GRM7: variants seen among roughly 807,000 people sequenced by gnomAD.
GRM7 encodes the protein metabotropic glutamate receptor 7.
In GRM7, 35 loss-of-function variants were observed where a neutral mutation model predicts 84.5. The ratio of observed to expected loss-of-function variants is 0.41; its 90% CI spans 0.32 to 0.55. The LOEUF (loss-of-function observed/expected upper bound fraction) is 0.55, where lower values mean the gene tolerates loss of function less well. Among genes scored for constraint, GRM7 ranks in the 20% least tolerant of loss-of-function variants. GRM7 has a pLI of 0.19. For synonymous variants in GRM7, 487 were observed against 455.1 expected (o/e 1.07, Z -0.89); for missense variants, 1,003 against 1,194.6 (o/e 0.84, Z 2.36).
intron 5 of GRM7, among the ~76,000 whole-genome samples, chr3:7,427,198 A>G (rs1389931276): frequency 6.6e-6 from 1 of 152,244 alleles, no homozygotes; most frequent in Non-Finnish European, 1.5e-5. Flanking sequence ...TGAAAATCCC[A>G]AAATTCAATA....
intron 9 of GRM7, among the ~76,000 whole-genome samples, chr3:7,701,569 C>G (rs186877226): frequency 6.6e-6 from 1 of 152,084 alleles, no homozygotes; most frequent in East Asian, 2.0e-4. Context: ...CCCCAAAGTG[C>G]GGGATTACAG....
At chr3:6,961,082 CT>C (rs1476988023) in intron 1 of GRM7, among the ~76,000 whole-genome samples, 2 of 152,212 alleles carry the variant, frequency 1.3e-5, no homozygotes, top group African/African-American at 2.4e-5. Context: ...GTCTCTCTCA[CT>C]TCCTTGACCT....
At chr3:7,239,200 C>G (rs1271168383) in intron 2 of GRM7, among the ~76,000 whole-genome samples, 2 of 151,844 alleles carry the variant, frequency 1.3e-5, no homozygotes, top group African/African-American at 4.8e-5. Context: ...AGTGTTTTGC[C>G]ATATTGTCCA....
intron 4 of GRM7, among the ~76,000 whole-genome samples, chr3:7,339,923 A>G (rs950762559): frequency 6.6e-6 from 1 of 152,100 alleles, no homozygotes; most frequent in Admixed American, 6.6e-5. Context: ...AATCCACGGA[A>G]CAATAAATTC....
intron 2 of GRM7, among the ~76,000 whole-genome samples, chr3:7,271,919 T>C (rs1159748041): frequency 6.6e-6 from 1 of 152,156 alleles, no homozygotes; most frequent in Non-Finnish European, 1.5e-5. Context: ...CGTGTTTCTG[T>C]TTTAACGGGG....
intron 9 of GRM7, among the ~76,000 whole-genome samples, chr3:7,719,789 C>CAT (rs746858074): frequency 7.3e-6 from 1 of 137,722 alleles, no homozygotes; most frequent in Non-Finnish European, 1.6e-5. Context: ...AACACACACA[C>CAT]ACACACACAC....
chr3:7,588,598 G>A (rs1296547604), intron 8 of GRM7, among the ~76,000 whole-genome samples: 2 of 152,074 alleles, frequency 1.3e-5, no homozygotes, highest in East Asian at 1.9e-4. Context: ...GGAAGATAAC[G>A]GGTCACAAAT....
At chr3:7,639,078 CCT>C (rs1045299431) in intron 8 of GRM7, among the ~76,000 whole-genome samples, 7 of 152,186 alleles carry the variant, frequency 4.6e-5, no homozygotes, top group Admixed American at 3.9e-4. Context: ...AAACCTTCCA[CCT>C]CTGTCTCCCT....
chr3:7,476,257 G>T (rs910808208), intron 7 of GRM7, among the ~76,000 whole-genome samples: 3 of 152,184 alleles, frequency 2.0e-5, no homozygotes, highest in African/African-American at 4.8e-5. Flanking sequence ...AACACGAAAA[G>T]TGACTAGGGG....
chr3:7,229,839 CTTT>C (rs766896334), intron 2 of GRM7, among the ~76,000 whole-genome samples: 1 of 72,016 alleles, frequency 1.4e-5, no homozygotes, highest in African/African-American at 5.9e-5. Context: ...CTTCCATCTT[CTTT>C]TTTTTTTTTT....
chr3:6,951,099 T>C (rs1285905555), intron 1 of GRM7, among the ~76,000 whole-genome samples: 1 of 152,174 alleles, frequency 6.6e-6, no homozygotes, highest in Non-Finnish European at 1.5e-5. Context: ...GTACCTCAGT[T>C]GTAAATGCAG....
At chr3:7,116,907 G>C (rs1693053821) in intron 1 of GRM7, among the ~76,000 whole-genome samples, 1 of 152,094 alleles carries the variant, frequency 6.6e-6, no homozygotes, top group South Asian at 2.1e-4. Context: ...TGAATCCTTT[G>C]CTCTACTTGG....
At chr3:7,037,638 A>C (rs542625828) in intron 1 of GRM7, among the ~76,000 whole-genome samples, 1 of 152,272 alleles carries the variant, frequency 6.6e-6, no homozygotes, top group South Asian at 2.1e-4. Flanking sequence ...TAAATATACC[A>C]TGTCTGACTG....
chr3:6,970,860 T>C (rs1693725506), intron 1 of GRM7, among the ~76,000 whole-genome samples: 1 of 152,110 alleles, frequency 6.6e-6, no homozygotes, highest in African/African-American at 2.4e-5. Flanking sequence ...CGGGCGCCTG[T>C]AGTCCCAGCT....
intron 1 of GRM7, among the ~76,000 whole-genome samples, chr3:7,117,515 C>A (rs921247403): frequency 6.6e-6 from 1 of 152,260 alleles, no homozygotes; most frequent in East Asian, 1.9e-4. Context: ...ACATTGGATT[C>A]CTGCATCAAG....
intron 4 of GRM7, among the ~76,000 whole-genome samples, chr3:7,322,322 T>C (rs1700813066): frequency 1.3e-5 from 2 of 152,192 alleles, no homozygotes; most frequent in South Asian, 4.1e-4. Flanking sequence ...TAAGAATATA[T>C]CTGCTGAAAT....
intron 2 of GRM7, among the ~76,000 whole-genome samples, chr3:7,263,116 A>T (rs1021511105): frequency 6.6e-5 from 10 of 152,022 alleles, no homozygotes; most frequent in African/African-American, 2.4e-4. Context: ...ATTCTATTTT[A>T]TGTCCTTGGG....
chr3:7,069,169 G>A (rs1208965578), intron 1 of GRM7, among the ~76,000 whole-genome samples: 3 of 151,910 alleles, frequency 2.0e-5, no homozygotes, highest in Non-Finnish European at 4.4e-5. Flanking sequence ...GCAAGTTTCA[G>A]GCAGGTTAAG....
At chr3:6,885,771 T>C (rs1430212763) in intron 1 of GRM7, among the ~76,000 whole-genome samples, 1 of 152,228 alleles carries the variant, frequency 6.6e-6, no homozygotes, top group Non-Finnish European at 1.5e-5. Flanking sequence ...CTCTGAAGTT[T>C]TGTAGCAGCA....
Sources: gnomAD v4.1 joint callset for allele counts (sites outside exome capture counted in the v4.1 genomes callset) on GRCh38, gnomAD v4.1.1 for gene constraint, MANE v1.5 for transcripts, NCBI Gene and HGNC (gene_info 2026-07-23, HGNC 2026-07-21) for gene names.